The following OR10K1 variants were observed in gnomAD, a reference collection of about 807,000 sequenced individuals.
OR10K1 encodes the protein olfactory receptor 10K1.
For missense variants in OR10K1, 404 were observed against 373.3 expected (o/e 1.08, Z -0.68); for synonymous variants, 186 against 152.5 (o/e 1.22, Z -1.62).
intron 1 of OR10K1, among the ~76,000 whole-genome samples, chr1:158,462,501 C>T (rs1655946559): frequency 6.6e-6 from 1 of 151,542 alleles, no homozygotes; most frequent in South Asian, 2.1e-4. Context: ...ACTTGTCTCT[C>T]ATCTCTCACT....
chr1:158,462,551 A>C (rs557298091), intron 1 of OR10K1, among the ~76,000 whole-genome samples: 1 of 152,056 alleles, frequency 6.6e-6, no homozygotes, highest in Non-Finnish European at 1.5e-5. Context: ...TGGATGTATA[A>C]TTTTAGGTAT....
Position 158,465,888 on chromosome 1 carries a change from C to A in OR10K1, c.327C>A (p.Ser109=), listed in dbSNP as rs1336818520. Residue 109 remains serine, a synonymous_variant, in exon 2 of 2, where the codon TCC becomes TCA. Transcript: ENST00000641535. ...IQMFSFLFFG[S]SHSFLLAAMG... is the part of the protein sequence containing the mutation. ...TGTTTTCCTTCCTCTTCTTTGGCTC[C>A]TCTCACTCCTTCCTGCTGGCAGCCA... The A allele has an allele frequency of 1.9e-6, 3 of 1,614,154 alleles. No homozygotes were observed. Among genetic ancestry groups the A allele is most frequent in the Non-Finnish European group, 1.7e-6 (2 of 1,180,028 alleles).
intron 1 of OR10K1, among the ~76,000 whole-genome samples, chr1:158,464,900 T>G (rs1342578527): frequency 2.0e-5 from 3 of 152,180 alleles, no homozygotes; most frequent in Non-Finnish European, 4.4e-5. Context: ...CCACCCACCT[T>G]GGCTTCTCAA....
rs757976597 is a variant in OR10K1 at position 158,466,394 on chromosome 1, A to G, written c.833A>G (p.Tyr278Cys). ...CAAGACACCCTAATATCTGTGTCAT[A>G]CACCATCCTTACCCCATTGTTCAAT... is the stretch of plus-strand genomic sequence containing the variant. ...SSQDTLISVSYTILTPLFNPM... is the reference protein window; with the variant it reads ...SSQDTLISVSCTILTPLFNPM... Residue 278 changes from tyrosine (Y) to cysteine (C), a missense_variant, in exon 2 of 2, where the codon TAC becomes TGC. Coordinates refer to ENST00000641535, the MANE Select transcript of OR10K1 (RefSeq NM_001004473.2). 11 of 1,613,708 alleles carry G rather than the reference A, an allele frequency of 6.8e-6. No individual in the cohort carries two copies. Among genetic ancestry groups the G allele is most frequent in the Non-Finnish European group, 9.3e-6 (11 of 1,179,770 alleles).
intron 1 of OR10K1, among the ~76,000 whole-genome samples, chr1:158,464,808 C>T (rs1328499646): frequency 6.6e-6 from 1 of 152,064 alleles, no homozygotes; most frequent in East Asian, 1.9e-4. Flanking sequence ...GCTGCCATAC[C>T]TGGCTAATTT....
intron 1 of OR10K1, among the ~76,000 whole-genome samples, chr1:158,465,174 A>G (rs1208429874): frequency 6.6e-6 from 1 of 152,108 alleles, no homozygotes; most frequent in Non-Finnish European, 1.5e-5. Context: ...TTCGTTCTAT[A>G]TTCTGATCAG....
rs141859524 is a variant in OR10K1, at chr1:158,461,897, C to T, written c.-164C>T. ...TGCCTCCCATGGAGATCAGTGATGG[C>T]ATTTCTGGTAAGTAGCAGAGTTAAA... On this transcript the variant is annotated 5_prime_UTR_variant, in exon 1 of 2. Coordinates refer to ENST00000641535, the MANE Select transcript of OR10K1 (RefSeq NM_001004473.2). 3,270 of 152,276 alleles carry T rather than the reference C, an allele frequency of 0.021. 47 individuals are homozygous for T. Among genetic ancestry groups the T allele is most frequent in the South Asian group, 0.046 (223 of 4,824 alleles). 9.4% of individuals were successfully genotyped at this position (152,276 alleles called of 1,614,324 possible).
chr1:158,463,325 C>T (rs985853409), intron 1 of OR10K1, among the ~76,000 whole-genome samples: 1 of 152,014 alleles, frequency 6.6e-6, no homozygotes, highest in African/African-American at 2.4e-5. Flanking sequence ...TATGGTGGTC[C>T]CTAATGGCAT....
In OR10K1 at chr1:158,465,934, G is replaced by T. The variant is rs1656026942; in HGVS notation, c.373G>T (p.Ala125Ser). ...AGCCATGGGCTATGATCGCTATATG[G>T]CCATCTGTAACCCACTGCGCTACTC... ...LAAMGYDRYM[A>S]ICNPLRYSVL... is the part of the protein sequence containing the mutation. The change falls in exon 2 of 2, where the codon GCC becomes TCC. Residue 125 changes from alanine (A) to serine (S), a missense_variant. By Grantham distance (99) the Ala-to-Ser change is moderately conservative (BLOSUM62 1). Transcript: ENST00000641535. 1 of 1,613,936 alleles carries T rather than the reference G, an allele frequency of 6.2e-7. No homozygotes were observed. The highest frequency in any genetic ancestry group is 1.1e-5 in the South Asian group (1 of 91,078).
intron 1 of OR10K1, among the ~76,000 whole-genome samples, chr1:158,462,920 TA>T (rs1305263013): frequency 2.0e-5 from 3 of 152,156 alleles, no homozygotes; most frequent in African/African-American, 7.2e-5. Context: ...TCATACGTTC[TA>T]AAATATCACA....
In OR10K1 at chr1:158,467,084, C is replaced by G. The variant is rs1241980864; in HGVS notation, c.*581C>G. ...GTTCTTCCTTTGTTTGAGGTGGAAC[C>G]ACTTTATGGTTCTCTTCCTGATGCA... On this transcript the variant is annotated 3_prime_UTR_variant, in exon 2 of 2. Coordinates refer to ENST00000641535, the MANE Select transcript of OR10K1 (RefSeq NM_001004473.2). 6.5e-6 allele frequency: 1 copy of G among 153,144 alleles called. No homozygotes were observed. The highest frequency in any genetic ancestry group is 2.4e-5 in the African/African-American group (1 of 41,388). The allele number at this position is 153,144 out of a possible 1,614,324, so 9.5% of individuals were successfully genotyped here. A position where few individuals can be genotyped will look rare whatever the true frequency, so the allele number is the denominator to read the frequency against.
chr1:158,465,258 C>T (rs2101666132), intron 1 of OR10K1, 148 bp from the exon 2 acceptor site: 1 of 396,672 alleles, frequency 2.5e-6, no homozygotes, highest in Non-Finnish European at 4.6e-6. Flanking sequence ...GTGACAAAAA[C>T]AACAATCTCT....
At chr1:158,462,352 A>C (rs1476787066) in intron 1 of OR10K1, among the ~76,000 whole-genome samples, 5 of 72,818 alleles carry the variant, frequency 6.9e-5, no homozygotes, top group Non-Finnish European at 1.7e-4. Flanking sequence ...GCTAGATTTT[A>C]TTTTCTTTTT....
chr1:158,463,940 G>A (rs1655981960), intron 1 of OR10K1, among the ~76,000 whole-genome samples: 1 of 151,962 alleles, frequency 6.6e-6, no homozygotes, highest in African/African-American at 2.4e-5. Flanking sequence ...TATTAACTAA[G>A]TTTAGGACCA....
intron 1 of OR10K1, among the ~76,000 whole-genome samples, chr1:158,465,138 G>T (rs1052936624): frequency 6.6e-6 from 1 of 152,182 alleles, no homozygotes; most frequent in African/African-American, 2.4e-5. Flanking sequence ...AAGTCCACAT[G>T]ATTATGTCTG....
chr1:158,465,701 C>T lies in OR10K1; in HGVS notation c.140C>T (p.Ser47Phe). ...FTLGTNAIIISTIVLDRALHT... is the reference protein window; with the variant it reads ...FTLGTNAIIIFTIVLDRALHT... ...CTGGGCACCAATGCAATCATCATTTCCACCATTGTGCTGGACAGAGCCCTT... is the reference window on the plus strand; with the variant it reads ...CTGGGCACCAATGCAATCATCATTTTCACCATTGTGCTGGACAGAGCCCTT... Residue 47 changes from serine (S) to phenylalanine (F), a missense_variant, in exon 2 of 2, where the codon TCC becomes TTC. Ser to Phe is a radical substitution (Grantham distance 155). Transcript: ENST00000641535. 1 of 1,614,184 alleles carries T rather than the reference C, an allele frequency of 6.2e-7. No homozygotes were observed. The highest frequency in any genetic ancestry group is 8.5e-7 in the Non-Finnish European group (1 of 1,180,022).
chr1:158,462,946 G>A (rs1360086327), intron 1 of OR10K1, among the ~76,000 whole-genome samples: 1 of 152,110 alleles, frequency 6.6e-6, no homozygotes, highest in Non-Finnish European at 1.5e-5. Context: ...AGGGGATTTT[G>A]AGATCATCTA....
In OR10K1 at chr1:158,466,246, C is replaced by G; in HGVS notation, c.685C>G (p.Pro229Ala). The G allele has an allele frequency of 2.5e-6, 4 of 1,614,142 alleles. No individual in the cohort carries two copies. Among genetic ancestry groups the G allele is most frequent in the Middle Eastern group, 1.6e-4 (1 of 6,062 alleles). ...IRIISAILKI[P>A]SSVGRYKTFS... ...CATCATCTCTGCCATTCTAAAAATC[C>G]CTTCCTCCGTTGGAAGATACAAGAC... The change falls in exon 2 of 2, where the codon CCT (proline) becomes GCT (alanine). Residue 229 changes from proline (P) to alanine (A), a missense_variant. Coordinates refer to ENST00000641535, the MANE Select transcript of OR10K1 (RefSeq NM_001004473.2).
chr1:158,462,467 TG>T (rs1655945342), intron 1 of OR10K1, among the ~76,000 whole-genome samples: 1 of 151,892 alleles, frequency 6.6e-6, no homozygotes, highest in Non-Finnish European at 1.5e-5. Flanking sequence ...GGTGGATTCA[TG>T]GATTAAATGA....
Sources: gnomAD v4.1 joint callset for allele counts (sites outside exome capture counted in the v4.1 genomes callset) on GRCh38, gnomAD v4.1.1 for gene constraint, MANE v1.5 for transcripts, NCBI Gene and HGNC (gene_info 2026-07-23, HGNC 2026-07-21) for gene names.